The following KIRREL3 variants were observed in gnomAD, a reference collection of about 807,000 sequenced individuals.
The protein encoded by KIRREL3 is kirre like nephrin family adhesion molecule 3, also known as kin of IRRE-like protein 3.
A neutral mutation model predicts 89.7 loss-of-function variants in KIRREL3; 36 were observed. That is an observed-to-expected ratio of 0.40 (90% CI 0.31 to 0.53). The LOEUF (loss-of-function observed/expected upper bound fraction) is 0.53, where lower values mean the gene tolerates loss of function less well. KIRREL3 is among the 20% of genes least tolerant of loss of function. The pLI, the probability that KIRREL3 is intolerant of heterozygous loss-of-function variation, is 0.49. For missense variants in KIRREL3, 864 were observed against 1,056.6 expected (o/e 0.82, Z 2.53); for synonymous variants, 445 against 441.4 (o/e 1.01, Z -0.10).
chr11:126,651,821 T>C lies in KIRREL3; in HGVS notation c.56-88909A>G, dbSNP rs527648651. Among the ~76,000 whole-genome samples, 13 of 152,246 alleles carry C rather than the reference T, an allele frequency of 8.5e-5. No homozygotes were observed. Among genetic ancestry groups the C allele is most frequent in the South Asian group, 8.3e-4 (4 of 4,816 alleles). On this transcript the variant is annotated intron_variant, in intron 1 of 16. Coordinates refer to ENST00000525144, the MANE Select transcript of KIRREL3 (RefSeq NM_032531.4). This position sits in a 1 kb window ranked among gnomAD's most constrained non-coding sequence, Gnocchi z 4.6. ...ACCAGAGAACCCAATAAATGAGAAG[T>C]TTTGGAGACAGCATTAATTGTGATG... is the stretch of plus-strand genomic sequence containing the variant.
rs1293050512 is a variant in KIRREL3, at chr11:126,550,765, G to T, written c.133+12070C>A. The T allele has an allele frequency of 1.3e-5, 2 of 152,166 alleles. No individual in the cohort carries two copies. Among genetic ancestry groups the T allele is most frequent in the Non-Finnish European group, 2.9e-5 (2 of 68,042 alleles). The allele number at this position is 152,166 out of a possible 1,614,324, so 9.4% of individuals were successfully genotyped here. A position where few individuals can be genotyped will look rare whatever the true frequency, so the allele number is the denominator to read the frequency against. On this transcript the variant is annotated intron_variant, in intron 2 of 16. Coordinates refer to ENST00000525144, the MANE Select transcript of KIRREL3 (RefSeq NM_032531.4). The surrounding 1 kb of genome is among the most constrained non-coding windows in gnomAD (Gnocchi z 4.9). The stretch of plus-strand genomic sequence containing the variant: ...ATGTTGGAGAAAACTCTCCCCAACT[G>T]CATTTTTCCTCTACACTCACCACAA...
intron 1 of KIRREL3, among the ~76,000 whole-genome samples, chr11:126,577,103 G>A (rs1941294055): frequency 1.3e-5 from 2 of 152,190 alleles, no homozygotes; most frequent in African/African-American, 4.8e-5. Flanking sequence ...GAATGTCACA[G>A]AGCTCTCTTT....
chr11:126,662,047 T>C (rs1400459643), intron 1 of KIRREL3, among the ~76,000 whole-genome samples: 1 of 151,976 alleles, frequency 6.6e-6, no homozygotes, highest in African/African-American at 2.4e-5. Flanking sequence ...AAAACGCCCA[T>C]TGAGAGGAAG....
rs971542078 is a variant in KIRREL3, at chr11:126,636,949, A to C, written c.56-74037T>G. 2.0e-5 allele frequency among the ~76,000 whole-genome samples: 3 copies of C among 152,236 alleles called. No individual in the cohort carries two copies. Among genetic ancestry groups the C allele is most frequent in the African/African-American group, 7.2e-5 (3 of 41,460 alleles). On this transcript the variant is annotated intron_variant, in intron 1 of 16. Transcript: ENST00000525144. The surrounding 1 kb of genome is among the most constrained non-coding windows in gnomAD (Gnocchi z 4.4). Reference sequence around the variant, plus strand: ...AGATAAAAAGAGATGACTGAGGGATAAAAAGGCGATGTGAAAGTCCCTAGG... The same window carrying C: ...AGATAAAAAGAGATGACTGAGGGATCAAAAGGCGATGTGAAAGTCCCTAGG...
chr11:126,901,113 G>T (rs566637575), intron 1 of KIRREL3, among the ~76,000 whole-genome samples: 62 of 150,862 alleles, frequency 4.1e-4, no homozygotes, highest in Non-Finnish European at 8.6e-4. Context: ...ACTCAGGAGG[G>T]TGAGACAGGA....
At chr11:126,922,563 C>T (rs1278574083) in intron 1 of KIRREL3, among the ~76,000 whole-genome samples, 2 of 152,084 alleles carry the variant, frequency 1.3e-5, no homozygotes, top group South Asian at 2.1e-4. Flanking sequence ...CCTCCATCCT[C>T]CACTGGCTCT....
chr11:126,882,019 AG>A, intron 1 of KIRREL3, among the ~76,000 whole-genome samples: 1 of 152,068 alleles, frequency 6.6e-6, no homozygotes, highest in Middle Eastern at 3.4e-3. Flanking sequence ...GTGTGTGTGT[AG>A]GGGGGATCAA....
chr11:126,818,615 AGTAGTAGTAGTGTGT>A (rs1275061471), intron 1 of KIRREL3, among the ~76,000 whole-genome samples: 75 of 128,048 alleles, frequency 5.9e-4, no homozygotes, highest in Middle Eastern at 3.9e-3. Flanking sequence ...TAGTAGTAGT[AGTAGTAGTAGTGTGT>A]GTGTGTGTGT....
intron 1 of KIRREL3, among the ~76,000 whole-genome samples, chr11:126,919,325 C>T (rs1466865092): frequency 6.6e-6 from 1 of 152,188 alleles, no homozygotes; most frequent in East Asian, 1.9e-4. Context: ...CACATACTCT[C>T]CTCACTTCCT....
At chr11:126,707,246 C>CTTTTTTTTTTTTT in intron 1 of KIRREL3, among the ~76,000 whole-genome samples, 1 of 112,604 alleles carries the variant, frequency 8.9e-6, no homozygotes, top group African/African-American at 3.2e-5. Context: ...TTGTCCATGG[C>CTTTTTTTTTTTTT]TTTTTTTTTT....
At chr11:126,770,914 C>T (rs1418573374) in intron 1 of KIRREL3, among the ~76,000 whole-genome samples, 1 of 152,196 alleles carries the variant, frequency 6.6e-6, no homozygotes, top group Admixed American at 6.5e-5. Context: ...CGGCTCACTG[C>T]AAACTCCACC....
chr11:126,995,181 C>T lies in KIRREL3; in HGVS notation c.55+5274G>A. 2 of 455,912 alleles carry T rather than the reference C, an allele frequency of 4.4e-6. No homozygotes were observed. Among genetic ancestry groups the T allele is most frequent in the South Asian group, 3.1e-5 (2 of 64,532 alleles). 28.2% of individuals were successfully genotyped at this position (455,912 alleles called of 1,614,324 possible). A position where few individuals can be genotyped will look rare whatever the true frequency, so the allele number is the denominator to read the frequency against. On this transcript the variant is annotated intron_variant, in intron 1 of 16. Coordinates refer to ENST00000525144, the MANE Select transcript of KIRREL3 (RefSeq NM_032531.4). The surrounding 1 kb of genome is among the most constrained non-coding windows in gnomAD (Gnocchi z 6.5). ...ATATGAAATCCAAGGGAACTGTTAG[C>T]CCCCCAGAGCAGCTGCTCCCACCGA... is the stretch of plus-strand genomic sequence containing the variant.
In KIRREL3 at chr11:126,463,275, G is replaced by C; in HGVS notation, c.624C>G (p.Ile208Met). Reference sequence around the variant, plus strand: ...CAGGGGAGATGAAGAGGGTGCTGACGATGCTCTCCCGCTTGCCGTCCCGAA... The same window carrying C: ...CAGGGGAGATGAAGAGGGTGCTGACCATGCTCTCCCGCTTGCCGTCCCGAA... ...TLLRDGKRES[I>M]VSTLFISPGD... is the part of the protein sequence containing the mutation. Residue 208 changes from isoleucine (I) to methionine (M), a missense_variant, in exon 6 of 17, where the codon ATC becomes ATG. Transcript: ENST00000525144. The surrounding 1 kb of genome is among the most constrained non-coding windows in gnomAD (Gnocchi z 5.9). 1 of 1,613,768 alleles carries C rather than the reference G, an allele frequency of 6.2e-7. No individual in the cohort carries two copies.
At position 126,489,779 on chromosome 11, in the gene KIRREL3, G is replaced by A. The variant is rs1365837461; in HGVS notation, c.434-16313C>T. On this transcript the variant is annotated intron_variant, in intron 4 of 16. Coordinates refer to ENST00000525144, the MANE Select transcript of KIRREL3 (RefSeq NM_032531.4). The surrounding 1 kb of genome is among the most constrained non-coding windows in gnomAD (Gnocchi z 5.5). ...CTGTTCTTTTGCTGGCTCTCTCTGA[G>A]GCTTCCCTTTCAGCTTTGATGAGCA... Among the ~76,000 whole-genome samples the A allele has an allele frequency of 6.6e-6, 1 of 152,100 alleles. No homozygotes were observed. The highest frequency in any genetic ancestry group is 1.5e-5 in the Non-Finnish European group (1 of 68,026).
chr11:126,529,162 C>T (rs982808810), intron 2 of KIRREL3, among the ~76,000 whole-genome samples: 2 of 151,984 alleles, frequency 1.3e-5, no homozygotes, highest in African/African-American at 4.8e-5. Context: ...TGGAGGAAGG[C>T]GCGGGAGGTA....
At chr11:126,595,754 T>C (rs1176845353) in intron 1 of KIRREL3, among the ~76,000 whole-genome samples, 2 of 152,044 alleles carry the variant, frequency 1.3e-5, no homozygotes, top group South Asian at 2.1e-4. Context: ...TTAGGAGCGA[T>C]GGGGGACAGC....
Position 126,682,987 on chromosome 11 carries a change from T to G in KIRREL3, c.56-120075A>C, listed in dbSNP as rs1946527507. 6.6e-6 allele frequency among the ~76,000 whole-genome samples: 1 copy of G among 152,134 alleles called. No individual in the cohort carries two copies. Among genetic ancestry groups the G allele is most frequent in the South Asian group, 2.1e-4 (1 of 4,816 alleles). ...CTCGCACCTCAGCCTCCCAAGTAGC[T>G]AGGACTTCAGGCATGCACTACTATG... is the stretch of plus-strand genomic sequence containing the variant. On this transcript the variant is annotated intron_variant, in intron 1 of 16. Coordinates refer to ENST00000525144, the MANE Select transcript of KIRREL3 (RefSeq NM_032531.4). This position sits in a 1 kb window ranked among gnomAD's most constrained non-coding sequence, Gnocchi z 4.8.
At chr11:126,445,616 G>A (rs1364417530) in intron 9 of KIRREL3, among the ~76,000 whole-genome samples, 2 of 152,186 alleles carry the variant, frequency 1.3e-5, no homozygotes, top group Non-Finnish European at 2.9e-5. Context: ...GTCTGCGTTC[G>A]AATCCCGGCT....
Position 126,891,927 on chromosome 11 carries a change from T to G in KIRREL3, c.55+108528A>C, listed in dbSNP as rs575606872. Among the ~76,000 whole-genome samples the G allele has an allele frequency of 6.6e-6, 1 of 152,098 alleles. No homozygotes were observed. Among genetic ancestry groups the G allele is most frequent in the South Asian group, 2.1e-4 (1 of 4,808 alleles). On this transcript the variant is annotated intron_variant, in intron 1 of 16. Coordinates refer to ENST00000525144, the MANE Select transcript of KIRREL3 (RefSeq NM_032531.4). The surrounding 1 kb of genome is among the most constrained non-coding windows in gnomAD (Gnocchi z 5.1). ...CATATGAATATCTGCAAAAACAAAG[T>G]TGGGGTTTGATATCTTTCAGGAAGC...
Sources: allele counts gnomAD v4.1 joint callset (sites outside exome capture counted in the v4.1 genomes callset), GRCh38; gene constraint gnomAD v4.1.1; non-coding constraint Gnocchi (gnomAD v3.1); transcripts MANE v1.5; gene names NCBI Gene and HGNC (gene_info 2026-07-23, HGNC 2026-07-21).